The following FRMPD4 variants were observed in gnomAD, a reference collection of about 807,000 sequenced individuals.
FRMPD4 encodes FERM and PDZ domain-containing protein 4.
FRMPD4 carries 22 observed loss-of-function variants against 94.1 expected under a neutral mutation model. The observed-to-expected ratio is 0.23, with a 90% CI of 0.17 to 0.33. The LOEUF is 0.33. Among genes scored for constraint, FRMPD4 ranks in the 10% least tolerant of loss-of-function variants. The pLI, the probability that FRMPD4 is intolerant of heterozygous loss-of-function variation, is 1.00. For missense variants in FRMPD4, 1,111 were observed against 1,339.9 expected (o/e 0.83, Z 2.67); for synonymous variants, 631 against 548.6 (o/e 1.15, Z -2.10).
At chrX:12,197,768 A>T (rs986958394) in intron 1 of FRMPD4, among the ~76,000 whole-genome samples, 2 of 112,344 alleles carry the variant, frequency 1.8e-5, no homozygotes, top group Non-Finnish European at 3.8e-5. Context: ...GCAAAATTTT[A>T]TAGTCATTTT....
intron 1 of FRMPD4, among the ~76,000 whole-genome samples, chrX:12,495,409 G>A (rs1050699161): frequency 8.9e-6 from 1 of 112,238 alleles, no homozygotes; most frequent in Admixed American, 9.5e-5. Flanking sequence ...GGGTTAGGGA[G>A]ATGAAGTAAC....
chrX:11,932,410 C>A (rs958476022), intron 3 of FRMPD4, among the ~76,000 whole-genome samples: 4 of 111,628 alleles, frequency 3.6e-5, no homozygotes, highest in African/African-American at 1.3e-4. Flanking sequence ...TCCTGAAAGT[C>A]ATAAGTTTTC....
chrX:12,440,167 A>C (rs1250350511), intron 1 of FRMPD4, among the ~76,000 whole-genome samples: 1 of 112,264 alleles, frequency 8.9e-6, no homozygotes, highest in Non-Finnish European at 1.9e-5. Context: ...TCAAATATGC[A>C]ACAGATAATG....
chrX:11,828,821 T>C (rs1275535507), intron 1 of FRMPD4, among the ~76,000 whole-genome samples: 1 of 112,610 alleles, frequency 8.9e-6, no homozygotes, highest in Non-Finnish European at 1.9e-5. Context: ...CCCAATCTCT[T>C]CTGCTGCTGG....
At chrX:12,018,713 G>A (rs769059424) in intron 3 of FRMPD4, among the ~76,000 whole-genome samples, 90 of 111,363 alleles carry the variant, frequency 8.1e-4, no homozygotes, top group Middle Eastern at 4.6e-3. Context: ...CACCATTCCC[G>A]GTCCAGATTT....
intron 1 of FRMPD4, among the ~76,000 whole-genome samples, chrX:12,378,212 G>C (rs766186904): frequency 2.8e-4 from 31 of 112,273 alleles, no homozygotes; most frequent in South Asian, 2.3e-3. Flanking sequence ...TGCTGGAAGA[G>C]AAAACTCCTC....
At chrX:12,647,108 A>T (rs1178990486) in intron 4 of FRMPD4, among the ~76,000 whole-genome samples, 3 of 111,821 alleles carry the variant, frequency 2.7e-5, no homozygotes, top group Non-Finnish European at 5.6e-5. Context: ...TTCCTCTGGC[A>T]CCTGCTTCTC....
intron 1 of FRMPD4, among the ~76,000 whole-genome samples, chrX:12,186,655 C>T (rs978892514): frequency 3.6e-5 from 4 of 111,177 alleles, no homozygotes; most frequent in South Asian, 3.7e-4. Context: ...TGTGGCTTGA[C>T]GATGAATACA....
chrX:12,346,043 T>G (rs780992641), intron 1 of FRMPD4, among the ~76,000 whole-genome samples: 90 of 109,191 alleles, frequency 8.2e-4, no homozygotes, highest in South Asian at 2.7e-3. Flanking sequence ...TCTCTAGTTT[T>G]TTTTTTTTTT....
At chrX:12,027,324 G>A (rs1394741072) in intron 3 of FRMPD4, among the ~76,000 whole-genome samples, 1 of 112,094 alleles carries the variant, frequency 8.9e-6, no homozygotes, top group Non-Finnish European at 1.9e-5. Context: ...TCTCTCATCA[G>A]TCCAATGTAT....
chrX:12,339,809 G>A (rs1035182610), intron 1 of FRMPD4, among the ~76,000 whole-genome samples: 2 of 111,193 alleles, frequency 1.8e-5, no homozygotes, highest in Non-Finnish European at 3.8e-5. Context: ...TAGAGACAGG[G>A]TTTCACCATA....
intron 1 of FRMPD4, among the ~76,000 whole-genome samples, chrX:12,153,358 G>T (rs1301407181): frequency 8.9e-6 from 1 of 112,247 alleles, no homozygotes; most frequent in East Asian, 2.8e-4. Flanking sequence ...TTCCAGCGAT[G>T]TATTGATGGA....
At chrX:12,658,524 C>T (rs1033724139) in intron 4 of FRMPD4, among the ~76,000 whole-genome samples, 8 of 111,875 alleles carry the variant, frequency 7.2e-5, no homozygotes, top group African/African-American at 1.3e-4. Flanking sequence ...TAAAAGAAGC[C>T]GTTGGCTTCT....
chrX:11,827,560 G>A (rs1451345936), intron 1 of FRMPD4, among the ~76,000 whole-genome samples: 1 of 111,255 alleles, frequency 9.0e-6, no homozygotes. Flanking sequence ...AAGATATGTA[G>A]TAGTCCATAT....
At chrX:12,539,899 G>A (rs757392826) in intron 2 of FRMPD4, among the ~76,000 whole-genome samples, 3 of 112,317 alleles carry the variant, frequency 2.7e-5, no homozygotes, top group African/African-American at 9.7e-5. Flanking sequence ...CTCCCAAAGT[G>A]CTGGGATTAC....
chrX:11,827,711 C>G lies in FRMPD4; in HGVS notation c.-161+4996C>G, dbSNP rs1338774910. Among the ~76,000 whole-genome samples the G allele has an allele frequency of 1.4e-4, 16 of 111,899 alleles. No homozygotes were observed. The Admixed American group carries it at 1.5e-3, about 11-fold the overall frequency. On this transcript the variant is annotated intron_variant, in intron 1 of 18. Coordinates refer to the FRMPD4 transcript ENST00000640291. ...CTGTGACGGATTCATTCCCATTTCTCCATATTCTTGCCATGAGCAAGGTAG... is the reference window on the plus strand; with the variant it reads ...CTGTGACGGATTCATTCCCATTTCTGCATATTCTTGCCATGAGCAAGGTAG...
chrX:12,704,619 TCTAA>T (rs2041843735), intron 11 of FRMPD4, 134 bp downstream of exon 11: 1 of 423,469 alleles, frequency 2.4e-6, no homozygotes, highest in Non-Finnish European at 4.1e-6. Flanking sequence ...GTAACTTTTT[TCTAA>T]CTATTAACAT....
At chrX:11,857,480 C>T (rs369555662) in intron 1 of FRMPD4, among the ~76,000 whole-genome samples, 6 of 112,444 alleles carry the variant, frequency 5.3e-5, no homozygotes, top group African/African-American at 1.6e-4. Context: ...CAATGAATGG[C>T]GCTGGGAGAA....
intron 3 of FRMPD4, among the ~76,000 whole-genome samples, chrX:11,989,952 T>A (rs1488392356): frequency 9.0e-6 from 1 of 111,707 alleles, no homozygotes; most frequent in Non-Finnish European, 1.9e-5. Context: ...GTGATTCCAC[T>A]CCTAGGTATG....
Sources: gnomAD v4.1 joint callset for allele counts (sites outside exome capture counted in the v4.1 genomes callset) on GRCh38, gnomAD v4.1.1 for gene constraint, MANE v1.5 for transcripts, NCBI Gene and HGNC (gene_info 2026-07-23, HGNC 2026-07-21) for gene names.